Variants in IMPG1 observed in about 807,000 individuals in gnomAD.
IMPG1 encodes the protein interphotoreceptor matrix proteoglycan of 150 kDa.
In IMPG1, 85 loss-of-function variants were observed where a neutral mutation model predicts 92.0. The observed-to-expected ratio is 0.92, with a 90% CI of 0.78 to 1.11. The LOEUF (loss-of-function observed/expected upper bound fraction) is 1.11. Among genes scored for constraint, IMPG1 ranks in the 50% least tolerant of loss-of-function variants. The pLI is 0.00. For missense variants in IMPG1, 1,022 were observed against 956.0 expected, an observed-to-expected ratio of 1.07 and a Z score of -0.91; for synonymous variants, 367 against 334.1, an observed-to-expected ratio of 1.10 and a Z score of -1.08.
At chr6:76,029,764 T>A (rs1783622619) in intron 4 of IMPG1, among the ~76,000 whole-genome samples, 2 of 152,158 alleles carry the variant, frequency 1.3e-5, no homozygotes, top group Admixed American at 1.3e-4. Flanking sequence ...CCAAGGGAAC[T>A]AACCAAAGCC....
At chr6:76,016,707 A>G in intron 7 of IMPG1, among the ~76,000 whole-genome samples, 1 of 152,086 alleles carries the variant, frequency 6.6e-6, no homozygotes, top group Non-Finnish European at 1.5e-5. Flanking sequence ...ATTCGTGTGC[A>G]CTCCTGTTGT....
At chr6:76,038,413 T>C (rs965996698) in intron 2 of IMPG1, among the ~76,000 whole-genome samples, 1 of 152,162 alleles carries the variant, frequency 6.6e-6, no homozygotes, top group African/African-American at 2.4e-5. Flanking sequence ...GCAGGCTTTC[T>C]TTTTTTGTGG....
intron 12 of IMPG1, among the ~76,000 whole-genome samples, chr6:75,974,365 TTC>T (rs1491039070): frequency 8.0e-6 from 1 of 125,418 alleles, no homozygotes; most frequent in African/African-American, 3.0e-5. Flanking sequence ...CTTTCTTTCT[TTC>T]TTTCTTTCTT....
At chr6:75,981,577 A>G (rs568620503) in intron 12 of IMPG1, among the ~76,000 whole-genome samples, 1 of 152,362 alleles carries the variant, frequency 6.6e-6, no homozygotes, top group South Asian at 2.1e-4. Context: ...AATGGAATAT[A>G]AATCCCTCAT....
At chr6:75,979,483 T>C (rs1315477313) in intron 12 of IMPG1, among the ~76,000 whole-genome samples, 1 of 152,182 alleles carries the variant, frequency 6.6e-6, no homozygotes, top group African/African-American at 2.4e-5. Flanking sequence ...TAACACATTA[T>C]ATGAAAGAAA....
At chr6:76,060,878 C>T (rs1433888917) in intron 1 of IMPG1, among the ~76,000 whole-genome samples, 1 of 152,118 alleles carries the variant, frequency 6.6e-6, no homozygotes, top group Non-Finnish European at 1.5e-5. Flanking sequence ...GTCATTACAA[C>T]ATGTATTCTC....
intron 12 of IMPG1, among the ~76,000 whole-genome samples, chr6:75,988,555 A>T (rs1782763267): frequency 6.6e-6 from 1 of 152,146 alleles, no homozygotes; most frequent in East Asian, 1.9e-4. Flanking sequence ...TTTCTATGGG[A>T]TACCACTGAA....
intron 8 of IMPG1, among the ~76,000 whole-genome samples, chr6:76,008,610 C>T (rs182400580): frequency 7.1e-4 from 108 of 152,272 alleles, no homozygotes; most frequent in African/African-American, 2.4e-3. Flanking sequence ...ACTCATCCTC[C>T]CTCTTGCTTG....
At chr6:75,928,780 A>AATTTTTGATGAT (rs1335091593) in intron 15 of IMPG1, among the ~76,000 whole-genome samples, 1 of 152,214 alleles carries the variant, frequency 6.6e-6, no homozygotes, top group Non-Finnish European at 1.5e-5. Flanking sequence ...AACTATACAA[A>AATTTTTGATGAT]ACTGCCAATA....
Position 75,951,221 on chromosome 6 carries a change from T to A in IMPG1, c.1292-127A>T, listed in dbSNP as rs950099330. ...GCATTTGCGTAGATCATTTCAATAG[T>A]CATTTTTTTTTTTTTAAAGAAGAGA... On this transcript the variant is annotated intron_variant, in intron 12 of 16. Transcript: ENST00000369950. 10 of 674,224 alleles carry A rather than the reference T, an allele frequency of 1.5e-5. No homozygotes were observed. In the African/African-American group the frequency reaches 2.1e-4, roughly 14 times the overall value. The allele number at this position is 674,224 out of a possible 1,614,324, so 41.8% of individuals were successfully genotyped here.
intron 14 of IMPG1, among the ~76,000 whole-genome samples, chr6:75,931,811 A>G (rs1482115357): frequency 6.6e-6 from 1 of 152,196 alleles, no homozygotes; most frequent in Non-Finnish European, 1.5e-5. Context: ...CTAATTCTAT[A>G]GGGTTGTCTC....
At chr6:75,941,297 A>C (rs1781833451) in intron 14 of IMPG1, among the ~76,000 whole-genome samples, 1 of 152,194 alleles carries the variant, frequency 6.6e-6, no homozygotes, top group African/African-American at 2.4e-5. Flanking sequence ...AACAGGCTTG[A>C]GTAATTGTTG....
intron 1 of IMPG1, among the ~76,000 whole-genome samples, chr6:76,056,449 G>A (rs1020881780): frequency 5.3e-5 from 8 of 152,158 alleles, no homozygotes; most frequent in Admixed American, 2.6e-4. Context: ...ATGGATATTT[G>A]AGTTGTTCCC....
At position 76,060,233 on chromosome 6, in the gene IMPG1, T is replaced by A. The variant is rs139707560; in HGVS notation, c.67+12189A>T. Among the ~76,000 whole-genome samples, 635 of 152,320 alleles carry A rather than the reference T, an allele frequency of 4.2e-3. 6 individuals carry two copies. Among genetic ancestry groups the A allele is most frequent in the African/African-American group, 0.014 (602 of 41,580 alleles). On this transcript the variant is annotated intron_variant, in intron 1 of 16. Transcript: ENST00000369950. Reference sequence around the variant, plus strand: ...AAGACATTGTTTCCTCAAGAATGAGTGAATGTAAATGGGAAAATATTTATT... The same window carrying A: ...AAGACATTGTTTCCTCAAGAATGAGAGAATGTAAATGGGAAAATATTTATT...
chr6:75,956,939 A>T (rs1276195479), intron 12 of IMPG1, among the ~76,000 whole-genome samples: 1 of 151,780 alleles, frequency 6.6e-6, no homozygotes, highest in Non-Finnish European at 1.5e-5. Flanking sequence ...TTATTTTTTG[A>T]GATGGAGTCT....
chr6:75,923,411 T>G (rs981852060), intron 16 of IMPG1, among the ~76,000 whole-genome samples: 5 of 152,108 alleles, frequency 3.3e-5, no homozygotes, highest in African/African-American at 1.2e-4. Flanking sequence ...ATAAAATACT[T>G]GGATTGATTT....
intron 16 of IMPG1, 25 bp downstream of exon 16, chr6:75,923,609 A>G (rs756317113): frequency 5.0e-6 from 6 of 1,209,058 alleles, no homozygotes; most frequent in Non-Finnish European, 7.3e-6. Flanking sequence ...AGTAATTGCA[A>G]CCAACTTAGA....
At chr6:75,938,920 C>T (rs942810951) in intron 14 of IMPG1, among the ~76,000 whole-genome samples, 5 of 152,104 alleles carry the variant, frequency 3.3e-5, no homozygotes, top group African/African-American at 1.2e-4. Context: ...TTCCCCAAGA[C>T]AGTGTCTCAC....
Position 75,947,412 on chromosome 6 carries a change from A to C in IMPG1, c.1946T>G (p.Leu649Arg). ...MKFAKSVPYN[L>R]TKAVHGVLED... ...CAAGACCCCGTGCACAGCCTTGGTGAGGTTATACGGCACTGACTTAGCAAA... is the reference window on the plus strand; with the variant it reads ...CAAGACCCCGTGCACAGCCTTGGTGCGGTTATACGGCACTGACTTAGCAAA... The change falls in exon 14 of 17, where the codon CTC becomes CGC. Residue 649 changes from leucine to arginine, a missense_variant. This residue lies in a region of IMPG1 where 332 missense variants were observed against 346.2 expected (regional missense o/e 0.96). Coordinates refer to ENST00000369950, the MANE Select transcript of IMPG1 (RefSeq NM_001563.4). The C allele has an allele frequency of 6.2e-7, 1 of 1,613,862 alleles. No homozygotes were observed. Among genetic ancestry groups the C allele is most frequent in the Non-Finnish European group, 8.5e-7 (1 of 1,179,840 alleles).
Sources: allele counts gnomAD v4.1 joint callset (sites outside exome capture counted in the v4.1 genomes callset), GRCh38; gene constraint gnomAD v4.1.1; regional missense constraint gnomAD v4.1.1; transcripts MANE v1.5; gene names NCBI Gene and HGNC (gene_info 2026-07-23, HGNC 2026-07-21).